Variants in ATRN observed in about 807,000 individuals in gnomAD.
ATRN encodes the protein attractin.
Under a neutral mutation model 178.7 loss-of-function variants are expected in ATRN, and 54 were observed. That is an observed-to-expected ratio of 0.30 (90% CI 0.24 to 0.38). The LOEUF (loss-of-function observed/expected upper bound fraction) is 0.38, where lower values mean the gene tolerates loss of function less well. Among genes scored for constraint, ATRN ranks in the 10% least tolerant of loss-of-function variants. ATRN has a pLI of 1.00. For missense variants in ATRN, 1,443 were observed against 1,815.1 expected, an observed-to-expected ratio of 0.79 and a Z score of 3.73; for synonymous variants, 636 against 663.0, an observed-to-expected ratio of 0.96 and a Z score of 0.63.
intron 18 of ATRN, among the ~76,000 whole-genome samples, chr20:3,586,986 C>T (rs2086366655): frequency 6.6e-6 from 1 of 152,188 alleles, no homozygotes; most frequent in Admixed American, 6.5e-5. Flanking sequence ...TTCCTGATAA[C>T]TAATGAAATT....
At chr20:3,490,038 A>C in intron 1 of ATRN, 1 of 1,065,244 alleles carries the variant, frequency 9.4e-7, no homozygotes, top group Admixed American at 1.7e-5. Context: ...CAGAGTATTC[A>C]TAGATCTGGG....
intron 24 of ATRN, among the ~76,000 whole-genome samples, chr20:3,617,883 AC>A (rs1164828134): frequency 6.6e-6 from 1 of 152,098 alleles, no homozygotes. Context: ...AGTCTCTAGA[AC>A]ACTCAGGGGT....
At chr20:3,528,316 G>C (rs1019871911) in intron 1 of ATRN, among the ~76,000 whole-genome samples, 3 of 151,716 alleles carry the variant, frequency 2.0e-5, no homozygotes, top group Admixed American at 6.6e-5. Context: ...GCAGTTGACC[G>C]AGATTGCGCC....
intron 12 of ATRN, among the ~76,000 whole-genome samples, chr20:3,575,607 C>T (rs1460695712): frequency 1.3e-5 from 2 of 152,070 alleles, no homozygotes; most frequent in Non-Finnish European, 2.9e-5. Flanking sequence ...TCCTTGTTTT[C>T]ACTTTCTGTG....
chr20:3,524,365 C>A, intron 1 of ATRN, among the ~76,000 whole-genome samples: 1 of 152,106 alleles, frequency 6.6e-6, no homozygotes, highest in Non-Finnish European at 1.5e-5. Context: ...GAAGAGCTAG[C>A]TATGCTAAAT....
chr20:3,558,798 TACTG>T (rs1471023661), intron 6 of ATRN, among the ~76,000 whole-genome samples: 1 of 152,106 alleles, frequency 6.6e-6, no homozygotes, highest in African/African-American at 2.4e-5. Context: ...TACTTTAAGA[TACTG>T]AATGTGATTA....
chr20:3,498,077 T>C (rs2084906136), intron 1 of ATRN, among the ~76,000 whole-genome samples: 1 of 151,668 alleles, frequency 6.6e-6, no homozygotes, highest in South Asian at 2.1e-4. Flanking sequence ...AACTAGAAAA[T>C]CTAGAACAAA....
rs1332532402 is a variant in ATRN, at chr20:3,615,595, G to A, written c.3802-8916G>A. Among the ~76,000 whole-genome samples the A allele has an allele frequency of 5.1e-4, 62 of 122,740 alleles. 1 individual carries two copies. Among genetic ancestry groups the A allele is most frequent in the Admixed American group, 4.2e-3 (46 of 10,844 alleles). The allele number at this position is 122,740 out of a possible 152,430, so 80.5% of individuals were successfully genotyped here. ...TTTGGAGACAGAGTCTCACTCTGTC[G>A]CCCAGGCTGGAGTACAGTGGTGCAA... On this transcript the variant is annotated intron_variant, in intron 24 of 28. Coordinates refer to ENST00000262919, the MANE Select transcript of ATRN (RefSeq NM_139321.3).
chr20:3,530,260 A>G (rs2085433828), intron 1 of ATRN, among the ~76,000 whole-genome samples: 1 of 147,512 alleles, frequency 6.8e-6, no homozygotes, highest in Non-Finnish European at 1.5e-5. Context: ...TATATATTAT[A>G]TATATATGTT....
intron 28 of ATRN, 121 bp from the exon 29 acceptor site, chr20:3,646,602 C>G: frequency 7.3e-7 from 1 of 1,363,786 alleles, no homozygotes; most frequent in Non-Finnish European, 9.7e-7. Context: ...GTTTTTTGTT[C>G]TGGTTTTTTG....
chr20:3,569,166 A>G (rs756061746), intron 11 of ATRN, among the ~76,000 whole-genome samples: 66 of 152,352 alleles, frequency 4.3e-4, no homozygotes, highest in Non-Finnish European at 2.8e-4. Flanking sequence ...GGAATCTACA[A>G]TCTGCAGATA....
chr20:3,578,116 T>C (rs988000264), intron 14 of ATRN, among the ~76,000 whole-genome samples: 1 of 152,222 alleles, frequency 6.6e-6, no homozygotes, highest in Non-Finnish European at 1.5e-5. Context: ...CTTTGTACAC[T>C]TGATTGTACC....
At chr20:3,479,751 CTT>C (rs1428366870) in intron 1 of ATRN, among the ~76,000 whole-genome samples, 1 of 152,150 alleles carries the variant, frequency 6.6e-6, no homozygotes, top group African/African-American at 2.4e-5. Context: ...TGTTCCATGC[CTT>C]TCTCTTCGCT....
At chr20:3,506,949 A>T (rs1017135873) in intron 1 of ATRN, among the ~76,000 whole-genome samples, 1 of 152,136 alleles carries the variant, frequency 6.6e-6, no homozygotes, top group African/African-American at 2.4e-5. Context: ...TTAGTTAACT[A>T]TAAGATATGT....
At chr20:3,538,782 T>C (rs2085577323) in intron 2 of ATRN, among the ~76,000 whole-genome samples, 1 of 152,116 alleles carries the variant, frequency 6.6e-6, no homozygotes, top group Non-Finnish European at 1.5e-5. Context: ...AGCCTTGAAA[T>C]TGGCCTCCTG....
At chr20:3,599,669 A>T (rs116261349) in intron 22 of ATRN, among the ~76,000 whole-genome samples, 1 of 152,300 alleles carries the variant, frequency 6.6e-6, no homozygotes, top group Non-Finnish European at 1.5e-5. Flanking sequence ...GACTTTTCAT[A>T]TGCAAGGGTT....
chr20:3,592,645 C>T (rs1261516607), intron 19 of ATRN, among the ~76,000 whole-genome samples: 1 of 152,108 alleles, frequency 6.6e-6, no homozygotes, highest in Non-Finnish European at 1.5e-5. Flanking sequence ...CCCCAGATCC[C>T]AACTCCAAAC....
At chr20:3,542,887 C>T (rs1327557622) in intron 3 of ATRN, among the ~76,000 whole-genome samples, 1 of 151,406 alleles carries the variant, frequency 6.6e-6, no homozygotes, top group Non-Finnish European at 1.5e-5. Flanking sequence ...AGTCCTCCCA[C>T]CTTGGCCTCC....
chr20:3,632,471 A>G lies in ATRN; in HGVS notation c.3864-1840A>G, dbSNP rs946672017. 1.3e-5 allele frequency among the ~76,000 whole-genome samples: 2 copies of G among 152,074 alleles called. No homozygotes were observed. The highest frequency in any genetic ancestry group is 4.8e-5 in the African/African-American group (2 of 41,416). On this transcript the variant is annotated intron_variant, in intron 25 of 28. Coordinates refer to ENST00000262919, the MANE Select transcript of ATRN (RefSeq NM_139321.3). This position sits in a 1 kb window ranked among gnomAD's most constrained non-coding sequence, Gnocchi z 4.2. ...CATGCTGGCCTCCTGAGGCTCCCCA[A>G]GCCATCCCAGGCACGGCCTTGCCTC...
Sources: allele counts gnomAD v4.1 joint callset (sites outside exome capture counted in the v4.1 genomes callset), GRCh38; gene constraint gnomAD v4.1.1; non-coding constraint Gnocchi (gnomAD v3.1); transcripts MANE v1.5; gene names NCBI Gene and HGNC (gene_info 2026-07-23, HGNC 2026-07-21).